The following FARP1 variants were observed in gnomAD, a reference collection of about 807,000 sequenced individuals.
FARP1 encodes FERM, ARH/RhoGEF and pleckstrin domain protein 1.
FARP1 carries 52 observed loss-of-function variants against 128.8 expected under a neutral mutation model. That is an observed-to-expected ratio of 0.40 (90% CI 0.32 to 0.51). The LOEUF is 0.51. Ranked by LOEUF, FARP1 falls within the 20% of genes least tolerant of loss-of-function variation. FARP1 has a pLI of 0.45. For missense variants in FARP1, 1,333 were observed against 1,367.9 expected, an observed-to-expected ratio of 0.97 and a Z score of 0.40; for synonymous variants, 580 against 551.8, an observed-to-expected ratio of 1.05 and a Z score of -0.72.
intron 2 of FARP1, among the ~76,000 whole-genome samples, chr13:98,282,523 A>G (rs888808131): frequency 4.7e-4 from 72 of 152,316 alleles, no homozygotes; most frequent in African/African-American, 1.7e-3. Context: ...TAAATGGTCT[A>G]AGATCAGTTC....
chr13:98,315,502 A>G (rs1886681835), intron 2 of FARP1, among the ~76,000 whole-genome samples: 1 of 152,224 alleles, frequency 6.6e-6, no homozygotes, highest in South Asian at 2.1e-4. Context: ...AACTCAAGTT[A>G]CTTGTGCCCG....
Position 98,453,358 on chromosome 13 carries a change from T to A in FARP1, c.*5041T>A. The A allele has an allele frequency of 1.3e-6, 1 of 760,992 alleles. No individual in the cohort carries two copies. The highest frequency in any genetic ancestry group is 2.1e-6 in the Non-Finnish European group (1 of 471,836). 47.1% of individuals were successfully genotyped at this position (760,992 alleles called of 1,614,324 possible). On this transcript the variant is annotated 3_prime_UTR_variant, in exon 27 of 27. Transcript: ENST00000319562. ...CAAATATCAATGTGTAAGTCTAATT[T>A]TAAAAGAATGCATATAAAGACTGAG... is the stretch of plus-strand genomic sequence containing the variant.
Position 98,393,639 on chromosome 13 carries a change from C to T in FARP1, c.1089-4C>T, listed in dbSNP as rs769162001. The T allele has an allele frequency of 1.9e-6, 3 of 1,612,198 alleles. No homozygotes were observed. The Admixed American group carries it at 5.0e-5, about 27-fold the overall frequency. The stretch of plus-strand genomic sequence containing the variant: ...CTTTAATGATCTTGTGTGATTTTTC[C>T]CAGGAAGCACAGCAAGATTCATTCT... On this transcript the variant is annotated splice_region_variant and splice_polypyrimidine_tract_variant and intron_variant, in intron 11 of 26. Transcript: ENST00000319562.
intron 2 of FARP1, among the ~76,000 whole-genome samples, chr13:98,294,822 G>A (rs918796901): frequency 6.6e-6 from 1 of 151,994 alleles, no homozygotes; most frequent in Non-Finnish European, 1.5e-5. Flanking sequence ...TTCAAGACCA[G>A]CCTGGCCAAC....
chr13:98,166,790 A>G (rs1476532944), intron 1 of FARP1, among the ~76,000 whole-genome samples: 1 of 149,252 alleles, frequency 6.7e-6, no homozygotes, highest in Non-Finnish European at 1.5e-5. Flanking sequence ...TGTCGTGATC[A>G]TGGTTCACTG....
intron 1 of FARP1, among the ~76,000 whole-genome samples, chr13:98,198,603 A>C (rs1223740134): frequency 6.6e-6 from 1 of 151,980 alleles, no homozygotes; most frequent in East Asian, 1.9e-4. Context: ...ATGGCTGGGC[A>C]CTGTGGGCCA....
chr13:98,370,901 C>G (rs1206128595), intron 5 of FARP1, among the ~76,000 whole-genome samples: 3 of 152,132 alleles, frequency 2.0e-5, no homozygotes, highest in African/African-American at 4.8e-5. Flanking sequence ...CTGGGAGCTA[C>G]CTGCATAGGA....
intron 1 of FARP1, among the ~76,000 whole-genome samples, chr13:98,202,462 G>A (rs1338625716): frequency 2.0e-5 from 3 of 152,184 alleles, no homozygotes; most frequent in South Asian, 2.1e-4. Context: ...TGAATAACAC[G>A]TTTCTGTGAG....
chr13:98,196,389 A>G (rs935262991), intron 1 of FARP1, among the ~76,000 whole-genome samples: 1 of 152,184 alleles, frequency 6.6e-6, no homozygotes, highest in Non-Finnish European at 1.5e-5. Flanking sequence ...CTTGTGTCTC[A>G]GTTTCCTCAT....
intron 1 of FARP1, among the ~76,000 whole-genome samples, chr13:98,179,629 C>T (rs566480646): frequency 6.6e-6 from 1 of 152,166 alleles, no homozygotes; most frequent in African/African-American, 2.4e-5. Context: ...CTTTGGGAGG[C>T]TGAGGCAGGT....
chr13:98,438,451 C>T (rs1032300366), intron 19 of FARP1, among the ~76,000 whole-genome samples: 30 of 152,078 alleles, frequency 2.0e-4, no homozygotes, highest in African/African-American at 6.0e-4. Context: ...CAGAGAGGCC[C>T]GGGCACTCTT....
intron 1 of FARP1, among the ~76,000 whole-genome samples, chr13:98,184,737 T>C (rs1878748827): frequency 6.6e-6 from 1 of 152,196 alleles, no homozygotes; most frequent in Admixed American, 6.5e-5. Flanking sequence ...CTCTAAGAAT[T>C]TGTGAGGGAC....
At chr13:98,257,917 A>T (rs1883685941) in intron 2 of FARP1, among the ~76,000 whole-genome samples, 1 of 152,262 alleles carries the variant, frequency 6.6e-6, no homozygotes, top group African/African-American at 2.4e-5. Flanking sequence ...AAATAGCTTG[A>T]TGTAGCCATT....
intron 2 of FARP1, among the ~76,000 whole-genome samples, chr13:98,241,378 C>G (rs1213567308): frequency 6.6e-6 from 1 of 152,136 alleles, no homozygotes; most frequent in Non-Finnish European, 1.5e-5. Flanking sequence ...CCCTTAAATA[C>G]GGCATGTTGC....
intron 2 of FARP1, among the ~76,000 whole-genome samples, chr13:98,308,197 T>TG (rs1199414689): frequency 6.6e-6 from 1 of 152,082 alleles, no homozygotes; most frequent in East Asian, 1.9e-4. Flanking sequence ...TTTGTTTACG[T>TG]GGTTTTTCCC....
At chr13:98,260,544 A>G (rs1441583656) in intron 2 of FARP1, among the ~76,000 whole-genome samples, 2 of 152,106 alleles carry the variant, frequency 1.3e-5, no homozygotes, top group African/African-American at 4.8e-5. Context: ...ATCCAGCTCA[A>G]CTCTGGGCCT....
chr13:98,222,794 A>ATTTTTT (rs34198874), intron 2 of FARP1, among the ~76,000 whole-genome samples: 1 of 124,800 alleles, frequency 8.0e-6, no homozygotes, highest in African/African-American at 3.1e-5. Context: ...TGCCCAGCTA[A>ATTTTTT]TTTTTTTTTT....
intron 2 of FARP1, among the ~76,000 whole-genome samples, chr13:98,222,933 G>A (rs1274547419): frequency 6.6e-6 from 1 of 152,038 alleles, no homozygotes; most frequent in Non-Finnish European, 1.5e-5. Context: ...ACCGTGCCTG[G>A]CCGGAAGGTG....
At chr13:98,439,338 C>T (rs1413756584) in intron 21 of FARP1, 142 bp downstream of exon 21, 1 of 633,998 alleles carries the variant, frequency 1.6e-6, no homozygotes, top group African/African-American at 1.8e-5. Flanking sequence ...AAGACATGGG[C>T]TCAAAGACCA....
Sources: gnomAD v4.1 joint callset for allele counts (sites outside exome capture counted in the v4.1 genomes callset) on GRCh38, gnomAD v4.1.1 for gene constraint, MANE v1.5 for transcripts, NCBI Gene and HGNC (gene_info 2026-07-23, HGNC 2026-07-21) for gene names.